Variants in OTOA observed in about 807,000 individuals in gnomAD.
OTOA encodes the protein cancer/testis antigen 108.
OTOA carries 70 observed loss-of-function variants against 110.8 expected under a neutral mutation model. The ratio of observed to expected loss-of-function variants is 0.63; its 90% CI spans 0.52 to 0.77. OTOA has a LOEUF of 0.77. Among genes scored for constraint, OTOA ranks in the 30% least tolerant of loss-of-function variants. The pLI is 0.00. For missense variants in OTOA, 917 were observed against 1,075.8 expected, an observed-to-expected ratio of 0.85 and a Z score of 2.06; for synonymous variants, 373 against 431.5, an observed-to-expected ratio of 0.86 and a Z score of 1.68.
intron 12 of OTOA, among the ~76,000 whole-genome samples, chr16:21,708,087 G>A (rs72782890): frequency 0.18 from 27,434 of 151,734 alleles, 2,574 homozygotes; most frequent in South Asian, 0.24. Flanking sequence ...CACCACGCCC[G>A]GTCTGTGCAC....
intron 17 of OTOA, chr16:21,721,206 C>A (rs1012632390): frequency 1.2e-5 from 5 of 426,758 alleles, no homozygotes; most frequent in South Asian, 4.8e-5. Context: ...TGAGCCACCA[C>A]GCCCATTCTG....
chr16:21,703,268 C>T (rs754790748), intron 11 of OTOA, among the ~76,000 whole-genome samples: 22 of 152,152 alleles, frequency 1.4e-4, no homozygotes, highest in Non-Finnish European at 2.4e-4. Flanking sequence ...CAACTCCCTT[C>T]CCACCTCCAG....
intron 1 of OTOA, among the ~76,000 whole-genome samples, chr16:21,673,218 C>T (rs557543321): frequency 1.3e-5 from 2 of 152,272 alleles, no homozygotes; most frequent in African/African-American, 4.8e-5. Flanking sequence ...ATCCTGTGTA[C>T]TCTTCACCCA....
intron 10 of OTOA, among the ~76,000 whole-genome samples, chr16:21,699,453 T>C (rs977458694): frequency 1.3e-5 from 2 of 151,756 alleles, no homozygotes; most frequent in Admixed American, 6.6e-5. Flanking sequence ...CTGGGCAACA[T>C]AGTGAAACCT....
intron 24 of OTOA, among the ~76,000 whole-genome samples, chr16:21,749,264 T>C (rs1375458410): frequency 3.6e-5 from 5 of 137,334 alleles, no homozygotes; most frequent in Non-Finnish European, 8.1e-5. Flanking sequence ...TGGTGGCTCA[T>C]GCCTGTGATC....
chr16:21,758,932 G>A (rs1900080257), intron 28 of OTOA, among the ~76,000 whole-genome samples: 1 of 151,664 alleles, frequency 6.6e-6, no homozygotes, highest in South Asian at 2.1e-4. Context: ...AACACTGGGG[G>A]CAGAGGTTGC....
At chr16:21,678,708 CTG>C (rs1966868296) in intron 2 of OTOA, 103 bp downstream of exon 2, 203 of 1,215,620 alleles carry the variant, frequency 1.7e-4, no homozygotes, top group Non-Finnish European at 2.1e-4. Context: ...TGTTTTTGGG[CTG>C]TGTGTGTGTG....
chr16:21,675,786 C>T (rs1430328343), intron 1 of OTOA, among the ~76,000 whole-genome samples: 2 of 152,000 alleles, frequency 1.3e-5, no homozygotes, highest in East Asian at 3.8e-4. Context: ...CTTGAACTTC[C>T]AGAGTGTATT....
rs1200385682 is a variant in OTOA, at chr16:21,709,946, G to A, written c.1163G>A (p.Gly388Asp). ...AACCAGACCCTCAATGAGACCCTGG[G>A]TTCTTTGTCGGATGCAGTTGTAGGT... ...MENQTLNETLGSLSDAVVGLT... is the reference protein window; with the variant it reads ...MENQTLNETLDSLSDAVVGLT... The change falls in exon 13 of 29, where the codon GGT (glycine) becomes GAT (aspartate). Residue 388 changes from glycine to aspartate, a missense_variant. This residue lies in a region of OTOA where 840 missense variants were observed against 910.2 expected (regional missense o/e 0.92). Transcript: ENST00000646100. The A allele has an allele frequency of 1.2e-6, 2 of 1,613,992 alleles. No homozygotes were observed. Among genetic ancestry groups the A allele is most frequent in the Non-Finnish European group, 1.7e-6 (2 of 1,179,958 alleles).
chr16:21,720,699 TAA>T (rs1898702130), intron 17 of OTOA, among the ~76,000 whole-genome samples: 1 of 152,040 alleles, frequency 6.6e-6, no homozygotes, highest in African/African-American at 2.4e-5. Flanking sequence ...TGAACTATAT[TAA>T]AAGACCTGCC....
chr16:21,665,893 T>G (rs896756656), intron 1 of OTOA, among the ~76,000 whole-genome samples: 7 of 151,940 alleles, frequency 4.6e-5, no homozygotes, highest in African/African-American at 1.5e-4. Flanking sequence ...TAGTGACATG[T>G]GATCGCGGCT....
At chr16:21,749,088 AGTAG>A (rs1899737063) in intron 24 of OTOA, 1 of 136,448 alleles carries the variant, frequency 7.3e-6, no homozygotes, top group Non-Finnish European at 1.6e-5. Context: ...GTTTTCTCTG[AGTAG>A]GTAGCATTTA....
intron 6 of OTOA, among the ~76,000 whole-genome samples, chr16:21,682,571 A>C (rs1567365137): frequency 6.6e-6 from 1 of 152,232 alleles, no homozygotes; most frequent in South Asian, 2.1e-4. Flanking sequence ...CTTAAGGGGC[A>C]ATAGGGCTCG....
At chr16:21,751,862 T>A in intron 24 of OTOA, 73 bp from the exon 25 acceptor site, 1 of 221,928 alleles carries the variant, frequency 4.5e-6, no homozygotes, top group South Asian at 3.0e-5. Context: ...CAGCAACAGC[T>A]TATTTATCCC....
At chr16:21,734,087 C>T (rs1185354783) in intron 21 of OTOA, among the ~76,000 whole-genome samples, 4 of 151,142 alleles carry the variant, frequency 2.6e-5, no homozygotes, top group Non-Finnish European at 4.4e-5. Flanking sequence ...GTGTGAGCCA[C>T]CGCACCTGAC....
At chr16:21,698,465 A>C (rs573902341) in intron 10 of OTOA, among the ~76,000 whole-genome samples, 1 of 152,280 alleles carries the variant, frequency 6.6e-6, no homozygotes, top group South Asian at 2.1e-4. Flanking sequence ...ATGATTCTTG[A>C]ATGCGGTCTC....
intron 14 of OTOA, 78 bp downstream of exon 14, chr16:21,715,230 T>C: frequency 6.3e-7 from 1 of 1,591,230 alleles, no homozygotes; most frequent in Non-Finnish European, 8.6e-7. Flanking sequence ...GCTGTGACTT[T>C]GGGCCATGAA....
chr16:21,738,463 T>C (rs1170636473), intron 22 of OTOA, among the ~76,000 whole-genome samples: 6 of 131,706 alleles, frequency 4.6e-5, no homozygotes, highest in Admixed American at 3.3e-4. Flanking sequence ...TTTTTTTTTC[T>C]TGGTGAATGT....
intron 22 of OTOA, among the ~76,000 whole-genome samples, chr16:21,737,022 C>T (rs1478941468): frequency 6.6e-6 from 1 of 152,302 alleles, no homozygotes; most frequent in African/African-American, 2.4e-5. Flanking sequence ...CCTGAGTCTG[C>T]CACTTACTGG....
Sources: allele counts gnomAD v4.1 joint callset (sites outside exome capture counted in the v4.1 genomes callset), GRCh38; gene constraint gnomAD v4.1.1; regional missense constraint gnomAD v4.1.1; transcripts MANE v1.5; gene names NCBI Gene and HGNC (gene_info 2026-07-23, HGNC 2026-07-21).